PLEKHA7: variants seen among roughly 807,000 people sequenced by gnomAD.
The protein encoded by PLEKHA7 is pleckstrin homology domain-containing family A member 7.
In PLEKHA7, 104 loss-of-function variants were observed where a neutral mutation model predicts 170.0. The ratio of observed to expected loss-of-function variants is 0.61; its 90% CI spans 0.52 to 0.72. PLEKHA7 has a LOEUF of 0.72. PLEKHA7 is among the 30% of genes least tolerant of loss of function. The probability of loss-of-function intolerance (pLI) is 0.00; values close to 1 mark genes in which losing one functional copy is unlikely to be tolerated. For missense variants in PLEKHA7, 1,615 were observed against 1,671.7 expected, an observed-to-expected ratio of 0.97 and a Z score of 0.59; for synonymous variants, 648 against 660.8, an observed-to-expected ratio of 0.98 and a Z score of 0.30.
At chr11:16,819,859 A>G (rs1407452336) in intron 10 of PLEKHA7, among the ~76,000 whole-genome samples, 1 of 152,218 alleles carries the variant, frequency 6.6e-6, no homozygotes, top group Non-Finnish European at 1.5e-5. Context: ...GTTAGGAGGA[A>G]TAAGTTCTGG....
intron 3 of PLEKHA7, among the ~76,000 whole-genome samples, chr11:16,893,650 G>A (rs1349148897): frequency 6.6e-6 from 1 of 152,128 alleles, no homozygotes; most frequent in Non-Finnish European, 1.5e-5. Flanking sequence ...AGAAAACCAA[G>A]AACAGGCAAA....
intron 25 of PLEKHA7, among the ~76,000 whole-genome samples, chr11:16,783,344 C>A (rs1849175804): frequency 6.6e-6 from 1 of 152,230 alleles, no homozygotes; most frequent in South Asian, 2.1e-4. Flanking sequence ...TGAGGGTGCA[C>A]AGGCCCGAAT....
intron 9 of PLEKHA7, among the ~76,000 whole-genome samples, chr11:16,838,446 G>A (rs922466318): frequency 5.3e-5 from 8 of 151,088 alleles, no homozygotes; most frequent in South Asian, 4.2e-4. Context: ...CCAGGAGTTC[G>A]AGGCTGCAGT....
At position 17,014,021 on chromosome 11, in the gene PLEKHA7, GC is replaced by G; in HGVS notation, c.188del (p.Gly63AlafsTer24). 1 of 1,552,204 alleles carries G rather than the reference GC, an allele frequency of 6.4e-7. No individual in the cohort carries two copies. The highest frequency in any genetic ancestry group is 8.7e-7 in the Non-Finnish European group (1 of 1,148,766). On this transcript the variant is annotated frameshift_variant, in exon 3 of 27. Transcript: ENST00000531066. LOFTEE classifies it high-confidence loss of function. ...RSDLPRGWEEGFTEEGASYFI... is the reference protein window; with the variant it reads ...RSDLPRGWEEXFTEEGASYFI... ...AGTAGCTGGCGCCCTCCTCCGTGAA[GC>G]CCTCCTCCCAGCCGCGGGGCAGGTC... is the stretch of plus-strand genomic sequence containing the variant.
chr11:16,844,777 C>T (rs1334978026), intron 8 of PLEKHA7, among the ~76,000 whole-genome samples: 1 of 152,142 alleles, frequency 6.6e-6, no homozygotes, highest in Admixed American at 6.5e-5. Context: ...GGTTCAAGCC[C>T]CCAACATCAG....
intron 4 of PLEKHA7, among the ~76,000 whole-genome samples, chr11:16,857,690 C>CA (rs1228454192): frequency 6.6e-6 from 1 of 151,940 alleles, no homozygotes; most frequent in South Asian, 2.1e-4. Context: ...GGTCCAACGA[C>CA]AAAAAAGATT....
At chr11:16,982,616 G>A (rs1863497086) in intron 3 of PLEKHA7, among the ~76,000 whole-genome samples, 1 of 152,134 alleles carries the variant, frequency 6.6e-6, no homozygotes, top group Middle Eastern at 3.2e-3. Flanking sequence ...GAAACCCGTG[G>A]TACCGGAGCC....
At chr11:17,000,707 T>C (rs949302561) in intron 3 of PLEKHA7, among the ~76,000 whole-genome samples, 3 of 152,224 alleles carry the variant, frequency 2.0e-5, no homozygotes, top group African/African-American at 7.2e-5. Flanking sequence ...CCATTCTAAG[T>C]TGATAGGTAC....
chr11:17,011,821 C>T (rs1266270450), intron 3 of PLEKHA7, among the ~76,000 whole-genome samples: 1 of 152,190 alleles, frequency 6.6e-6, no homozygotes, highest in African/African-American at 2.4e-5. Context: ...ATACTCATAT[C>T]TCAAATGTAA....
chr11:16,909,485 A>G (rs1858095281), intron 3 of PLEKHA7, among the ~76,000 whole-genome samples: 1 of 152,262 alleles, frequency 6.6e-6, no homozygotes, highest in Admixed American at 6.5e-5. Context: ...AACAGAAGGC[A>G]GCGGTAGTAC....
chr11:16,998,826 C>T (rs1864496520), intron 3 of PLEKHA7, among the ~76,000 whole-genome samples: 1 of 146,860 alleles, frequency 6.8e-6, no homozygotes, highest in Non-Finnish European at 1.5e-5. Context: ...TTTAAATCCC[C>T]AGGTCAAAAT....
intron 3 of PLEKHA7, among the ~76,000 whole-genome samples, chr11:16,974,135 G>A (rs1050009425): frequency 1.3e-5 from 2 of 151,950 alleles, no homozygotes; most frequent in Admixed American, 6.6e-5. Context: ...GGTGGTGCAC[G>A]CCTATCATCC....
chr11:16,785,952 C>A (rs994133315), intron 24 of PLEKHA7, among the ~76,000 whole-genome samples: 3 of 152,226 alleles, frequency 2.0e-5, no homozygotes, highest in Non-Finnish European at 4.4e-5. Flanking sequence ...TGTGCAGTTA[C>A]TTAATCCTCT....
chr11:16,877,204 C>A (rs1480355183), intron 3 of PLEKHA7, among the ~76,000 whole-genome samples: 1 of 151,892 alleles, frequency 6.6e-6, no homozygotes, highest in Non-Finnish European at 1.5e-5. Context: ...ACCCTGCAGG[C>A]CTGCAGCCAC....
chr11:16,882,083 C>T (rs1565063838), intron 3 of PLEKHA7, among the ~76,000 whole-genome samples: 1 of 152,292 alleles, frequency 6.6e-6, no homozygotes, highest in East Asian at 1.9e-4. Context: ...AATATGAGCT[C>T]CATGGGGCAG....
intron 3 of PLEKHA7, among the ~76,000 whole-genome samples, chr11:16,875,628 A>G (rs1393586122): frequency 6.6e-6 from 1 of 151,678 alleles, no homozygotes; most frequent in Non-Finnish European, 1.5e-5. Flanking sequence ...TTTTTTTAGT[A>G]GAGATGGGGT....
chr11:16,919,233 G>GA (rs756597842), intron 3 of PLEKHA7, among the ~76,000 whole-genome samples: 9 of 151,974 alleles, frequency 5.9e-5, no homozygotes. Context: ...GAAAAGAAAA[G>GA]AAAGATTCAC....
intron 3 of PLEKHA7, among the ~76,000 whole-genome samples, chr11:16,916,392 T>G (rs1858682669): frequency 6.6e-6 from 1 of 152,198 alleles, no homozygotes; most frequent in Non-Finnish European, 1.5e-5. Context: ...GCTCAGAACA[T>G]GGGCTCTGAC....
intron 3 of PLEKHA7, among the ~76,000 whole-genome samples, chr11:17,009,217 C>G (rs1015743430): frequency 2.0e-5 from 3 of 152,178 alleles, no homozygotes; most frequent in African/African-American, 4.8e-5. Context: ...TCTAACACTT[C>G]AGCAAAATCA....
Sources: allele counts gnomAD v4.1 joint callset (sites outside exome capture counted in the v4.1 genomes callset), GRCh38; gene constraint gnomAD v4.1.1; transcripts MANE v1.5; gene names NCBI Gene and HGNC (gene_info 2026-07-23, HGNC 2026-07-21).